SMARCA2: variants seen among roughly 807,000 people sequenced by gnomAD.
The protein encoded by SMARCA2 is SWI/SNF related BAF chromatin remodeling complex subunit ATPase 2, also known as SWI/SNF-related matrix-associated actin-dependent regulator of chromatin subfamily A member 2.
SMARCA2 carries 61 observed loss-of-function variants against 199.8 expected under a neutral mutation model. That is an observed-to-expected ratio of 0.31 (90% CI 0.25 to 0.38). The LOEUF is 0.38. Among genes scored for constraint, SMARCA2 ranks in the 10% least tolerant of loss-of-function variants. The pLI is 1.00. For missense variants in SMARCA2, 1,344 were observed against 2,012.2 expected (o/e 0.67, Z 6.35); for synonymous variants, 935 against 732.0 (o/e 1.28, Z -4.48).
chr9:2,034,877 C>T (rs1358734062), intron 3 of SMARCA2, among the ~76,000 whole-genome samples: 2 of 152,048 alleles, frequency 1.3e-5, no homozygotes, highest in African/African-American at 4.8e-5. Flanking sequence ...AGCCTAAAAG[C>T]ACTGGGAATT....
At chr9:2,111,856 A>G (rs1823021154) in intron 24 of SMARCA2, among the ~76,000 whole-genome samples, 1 of 152,152 alleles carries the variant, frequency 6.6e-6, no homozygotes, top group African/African-American at 2.4e-5. Context: ...TAAAGACTCA[A>G]CTGTGGGCCC....
At chr9:2,052,442 C>G (rs764274065) in intron 5 of SMARCA2, among the ~76,000 whole-genome samples, 1 of 152,204 alleles carries the variant, frequency 6.6e-6, no homozygotes, top group Non-Finnish European at 1.5e-5. Flanking sequence ...TGCCACTGCA[C>G]TCCAGCCTGG....
At chr9:2,028,929 T>G (rs1030549509) in intron 1 of SMARCA2, 58 bp from the exon 2 acceptor site, 1 of 1,360,166 alleles carries the variant, frequency 7.4e-7, no homozygotes, top group Non-Finnish European at 1.0e-6. Flanking sequence ...AATTGTTTTA[T>G]TCTGGTCTTA....
intron 27 of SMARCA2, among the ~76,000 whole-genome samples, chr9:2,148,650 A>C (rs182766157): frequency 6.6e-6 from 1 of 151,204 alleles, no homozygotes. Flanking sequence ...TCTGAGACAC[A>C]CGCACATGCC....
intron 32 of SMARCA2, among the ~76,000 whole-genome samples, chr9:2,187,753 A>ATACCTCTCAAAGTAAAGTAC (rs1258252465): frequency 6.6e-6 from 1 of 152,178 alleles, no homozygotes; most frequent in Admixed American, 6.6e-5. Flanking sequence ...TCTTCACTGT[A>ATACCTCTCAAAGTAAAGTAC]TACCTCTCAA....
At chr9:2,152,841 G>A (rs1372402555) in intron 27 of SMARCA2, among the ~76,000 whole-genome samples, 2 of 152,078 alleles carry the variant, frequency 1.3e-5, no homozygotes, top group African/African-American at 4.8e-5. Context: ...AACAGAGGGA[G>A]CAAGACTGTC....
Position 2,140,927 on chromosome 9 carries a change from A to G in SMARCA2, c.3981+16990A>G, listed in dbSNP as rs193262480. 2.5e-3 allele frequency among the ~76,000 whole-genome samples: 376 copies of G among 151,900 alleles called. 1 individual carries two copies. The highest frequency in any genetic ancestry group is 0.017 in the Middle Eastern group (5 of 294). ...CAGAGGACTTTTTTTTTTAAGGGCC[A>G]TTAAGGGATACATGGAGACCTGCAT... On this transcript the variant is annotated intron_variant, in intron 27 of 33. Coordinates refer to ENST00000349721, the MANE Select transcript of SMARCA2 (RefSeq NM_003070.5).
At chr9:2,185,332 C>T (rs918666140) in intron 31 of SMARCA2, among the ~76,000 whole-genome samples, 1 of 152,212 alleles carries the variant, frequency 6.6e-6, no homozygotes, top group African/African-American at 2.4e-5. Context: ...AACAATCCTC[C>T]AGTTACAGGA....
chr9:2,048,906 T>C (rs1586646945), intron 5 of SMARCA2, among the ~76,000 whole-genome samples: 1 of 152,352 alleles, frequency 6.6e-6, no homozygotes, highest in South Asian at 2.1e-4. Flanking sequence ...CAGTACATTC[T>C]GTATGTTACT....
At chr9:2,181,728 T>C in intron 30 of SMARCA2, 52 bp downstream of exon 30, 1 of 975,440 alleles carries the variant, frequency 1.0e-6, no homozygotes, top group Non-Finnish European at 1.7e-6. Context: ...AGGAGCAGTG[T>C]AAAGTCATTG....
intron 27 of SMARCA2, chr9:2,159,467 G>T: frequency 4.7e-6 from 1 of 214,860 alleles, no homozygotes; most frequent in South Asian, 1.0e-4. Flanking sequence ...AAAAAATAAG[G>T]TACAAAATAC....
At chr9:2,179,159 G>C (rs1826833854) in intron 29 of SMARCA2, among the ~76,000 whole-genome samples, 1 of 152,118 alleles carries the variant, frequency 6.6e-6, no homozygotes, top group African/African-American at 2.4e-5. Context: ...CATAAAGAGG[G>C]GATTGCCCAT....
rs1218754166 is a variant in SMARCA2 at position 2,029,009 on chromosome 9, G to C, written c.-14G>C. 2.6e-6 allele frequency: 4 copies of C among 1,548,020 alleles called. No homozygotes were observed. Among genetic ancestry groups the C allele is most frequent in the Admixed American group, 4.0e-5 (2 of 50,156 alleles). The stretch of plus-strand genomic sequence containing the variant: ...TAGCATTACTCTACTGACTGGCAGA[G>C]ACAGGAGAGGTAGATGTCCACGCCC... On this transcript the variant is annotated 5_prime_UTR_variant, in exon 2 of 34. Transcript: ENST00000349721.
At chr9:2,020,474 C>A (rs1004519863) in intron 1 of SMARCA2, among the ~76,000 whole-genome samples, 1 of 152,050 alleles carries the variant, frequency 6.6e-6, no homozygotes, top group Admixed American at 6.5e-5. Flanking sequence ...ATTATTTTTT[C>A]TATATAGAAA....
chr9:2,154,552 T>C (rs569840846), intron 27 of SMARCA2, among the ~76,000 whole-genome samples: 1 of 152,304 alleles, frequency 6.6e-6, no homozygotes, highest in East Asian at 1.9e-4. Flanking sequence ...ATGGGTGTAG[T>C]GACCTTCTGA....
intron 9 of SMARCA2, among the ~76,000 whole-genome samples, chr9:2,067,409 A>G (rs1011748484): frequency 2.0e-5 from 3 of 152,224 alleles, no homozygotes; most frequent in African/African-American, 7.2e-5. Flanking sequence ...TCATAGCCTT[A>G]TGAAGCAGTT....
intron 21 of SMARCA2, among the ~76,000 whole-genome samples, chr9:2,100,911 G>A (rs184715850): frequency 4.1e-4 from 62 of 152,250 alleles, no homozygotes; most frequent in South Asian, 3.5e-3. Flanking sequence ...AGGCCTCACA[G>A]TCATGGCAGA....
intron 27 of SMARCA2, among the ~76,000 whole-genome samples, chr9:2,129,028 C>T (rs934712871): frequency 1.1e-4 from 17 of 152,270 alleles, no homozygotes; most frequent in African/African-American, 3.6e-4. Context: ...TTCAGGGGCT[C>T]GTGAACCCTT....
chr9:2,035,630 GA>G (rs1203152940), intron 3 of SMARCA2, among the ~76,000 whole-genome samples: 10 of 152,154 alleles, frequency 6.6e-5, no homozygotes, highest in Admixed American at 5.9e-4. Flanking sequence ...TGGCTAGATA[GA>G]TATTAGTAAA....
Sources: allele counts gnomAD v4.1 joint callset (sites outside exome capture counted in the v4.1 genomes callset), GRCh38; gene constraint gnomAD v4.1.1; transcripts MANE v1.5; gene names NCBI Gene and HGNC (gene_info 2026-07-23, HGNC 2026-07-21).